OLFM3: variants seen among roughly 807,000 people sequenced by gnomAD.
OLFM3 encodes the protein olfactomedin 3.
In OLFM3, 20 loss-of-function variants were observed where a neutral mutation model predicts 48.6. The ratio of observed to expected loss-of-function variants is 0.41; its 90% confidence interval spans 0.29 to 0.60. OLFM3 has a LOEUF of 0.60. OLFM3 is among the 20% of genes least tolerant of loss of function. The probability of loss-of-function intolerance (pLI) is 0.28; values close to 1 mark genes in which losing one functional copy is unlikely to be tolerated. For synonymous variants in OLFM3, 222 were observed against 198.1 expected, an observed-to-expected ratio of 1.12 and a Z score of -1.01; for missense variants, 437 against 544.3, an observed-to-expected ratio of 0.80 and a Z score of 1.96.
intron 1 of OLFM3, among the ~76,000 whole-genome samples, chr1:101,935,694 A>AT (rs578045007): frequency 1.3e-5 from 2 of 152,294 alleles, no homozygotes; most frequent in African/African-American, 4.8e-5. Flanking sequence ...ACAGGGAAGT[A>AT]TTTTTTATGA....
chr1:101,972,101 A>G (rs1660820569), intron 1 of OLFM3, among the ~76,000 whole-genome samples: 1 of 151,984 alleles, frequency 6.6e-6, no homozygotes. Context: ...ATATTTTTTA[A>G]AGTTTATGTT....
rs1245592503 is a variant in OLFM3, at chr1:101,991,026, T to A, written c.69+5722A>T. Among the ~76,000 whole-genome samples the A allele has an allele frequency of 2.3e-3, 209 of 91,418 alleles. 1 individual carries two copies. Among genetic ancestry groups the A allele is most frequent in the Non-Finnish European group, 2.9e-3 (127 of 44,276 alleles). 60.0% of individuals were successfully genotyped at this position (91,418 alleles called of 152,430 possible). ...AAAAAAAAAAAAAAAAATATATATATATATATATATATATACTTCGTGGTT... is the reference window on the plus strand; with the variant it reads ...AAAAAAAAAAAAAAAAATATATATAAATATATATATATATACTTCGTGGTT... On this transcript the variant is annotated intron_variant, in intron 1 of 5. Transcript: ENST00000370103.
chr1:101,900,782 A>G (rs1658364964), intron 1 of OLFM3, among the ~76,000 whole-genome samples: 2 of 152,118 alleles, frequency 1.3e-5, no homozygotes, highest in Non-Finnish European at 2.9e-5. Flanking sequence ...CCAGAATAAG[A>G]CATGAAAATG....
intron 4 of OLFM3, among the ~76,000 whole-genome samples, chr1:101,817,108 T>C (rs1005476120): frequency 3.3e-5 from 5 of 152,160 alleles, no homozygotes; most frequent in Non-Finnish European, 5.9e-5. Flanking sequence ...ATAAGAGTCA[T>C]TTTTTACTTC....
chr1:101,895,662 C>T (rs1409154503), intron 1 of OLFM3, among the ~76,000 whole-genome samples: 3 of 152,038 alleles, frequency 2.0e-5, no homozygotes, highest in African/African-American at 7.2e-5. Context: ...GCAAGATCTC[C>T]CAAGCAGTGG....
At chr1:101,882,330 TAATA>T (rs1557714855) in intron 1 of OLFM3, among the ~76,000 whole-genome samples, 1 of 99,952 alleles carries the variant, frequency 1.0e-5, no homozygotes, top group East Asian at 2.4e-4. Context: ...TATATATATA[TAATA>T]TATATATATA....
In OLFM3 at chr1:101,830,708, T is replaced by C. The variant is rs772516491; in HGVS notation, c.336A>G (p.Glu112=). 40 of 1,614,096 alleles carry C rather than the reference T, an allele frequency of 2.5e-5. 1 individual carries two copies. The highest frequency in any genetic ancestry group is 1.6e-4 in the Middle Eastern group (1 of 6,084). Reference sequence around the variant, plus strand: ...TGGTCATAAGTGTCTTTCGATCATCTTCAATCTGCCGAAATTTTGCCTTCA... The same window carrying C: ...TGGTCATAAGTGTCTTTCGATCATCCTCAATCTGCCGAAATTTTGCCTTCA... ...KGLKAKFRQI[E]DDRKTLMTKH... Residue 112 remains glutamate (E), a synonymous_variant, in exon 3 of 6, where the codon GAA becomes GAG. Transcript: ENST00000370103.
At chr1:101,844,461 TG>T (rs1300463183) in intron 1 of OLFM3, among the ~76,000 whole-genome samples, 5 of 152,162 alleles carry the variant, frequency 3.3e-5, no homozygotes, top group African/African-American at 1.2e-4. Context: ...GAAATAGCTT[TG>T]TTGAGTAGGG....
chr1:101,947,821 A>ATAATAATAGC (rs1451041866), intron 1 of OLFM3, among the ~76,000 whole-genome samples: 1 of 152,194 alleles, frequency 6.6e-6, no homozygotes, highest in Non-Finnish European at 1.5e-5. Flanking sequence ...TGGCATATAG[A>ATAATAATAGC]TAATAATAGC....
intron 1 of OLFM3, among the ~76,000 whole-genome samples, chr1:101,942,204 T>C (rs1659816441): frequency 1.3e-5 from 2 of 152,254 alleles, no homozygotes; most frequent in South Asian, 4.1e-4. Context: ...TACATAGATA[T>C]ACACATATAC....
At chr1:101,948,870 A>G (rs1660037515) in intron 1 of OLFM3, among the ~76,000 whole-genome samples, 1 of 147,784 alleles carries the variant, frequency 6.8e-6, no homozygotes, top group Non-Finnish European at 1.5e-5. Context: ...ATATATTTAT[A>G]TATTTTTTAT....
At chr1:101,899,636 T>A (rs1658326284) in intron 1 of OLFM3, among the ~76,000 whole-genome samples, 1 of 152,122 alleles carries the variant, frequency 6.6e-6, no homozygotes, top group South Asian at 2.1e-4. Flanking sequence ...AACTTTTATA[T>A]CATAAATTCA....
chr1:101,838,189 G>A (rs1655531141), intron 1 of OLFM3, among the ~76,000 whole-genome samples: 1 of 152,076 alleles, frequency 6.6e-6, no homozygotes, highest in Non-Finnish European at 1.5e-5. Flanking sequence ...CTCTTGAGTA[G>A]CTGGGATTAC....
chr1:101,863,284 T>A (rs1186385855), intron 1 of OLFM3, among the ~76,000 whole-genome samples: 2 of 152,200 alleles, frequency 1.3e-5, no homozygotes, highest in African/African-American at 4.8e-5. Context: ...AGTAGCTGCT[T>A]TTGATATTGG....
intron 1 of OLFM3, among the ~76,000 whole-genome samples, chr1:101,963,736 A>T (rs1660531264): frequency 6.6e-6 from 1 of 151,936 alleles, no homozygotes; most frequent in Non-Finnish European, 1.5e-5. Flanking sequence ...AGCTGGGGGG[A>T]CATTTACATT....
At chr1:101,890,715 C>A (rs912124656) in intron 1 of OLFM3, among the ~76,000 whole-genome samples, 1 of 151,818 alleles carries the variant, frequency 6.6e-6, no homozygotes. Flanking sequence ...CAAACAAAAA[C>A]GACTCCATGA....
intron 1 of OLFM3, among the ~76,000 whole-genome samples, chr1:101,933,431 G>C (rs2101050829): frequency 6.6e-6 from 1 of 151,828 alleles, no homozygotes; most frequent in East Asian, 1.9e-4. Flanking sequence ...AAACGAAGAA[G>C]AATGAACCAA....
At chr1:101,842,995 T>C (rs1366150158) in intron 1 of OLFM3, among the ~76,000 whole-genome samples, 1 of 152,184 alleles carries the variant, frequency 6.6e-6, no homozygotes, top group African/African-American at 2.4e-5. Flanking sequence ...CCTAAGAGTT[T>C]AGGGAAGGAA....
intron 1 of OLFM3, among the ~76,000 whole-genome samples, chr1:101,905,428 G>C (rs1658520516): frequency 6.6e-6 from 1 of 152,128 alleles, no homozygotes; most frequent in South Asian, 2.1e-4. Flanking sequence ...TCTGTATCCA[G>C]ACTGGGTGTG....
Sources: allele counts gnomAD v4.1 joint callset (sites outside exome capture counted in the v4.1 genomes callset), GRCh38; gene constraint gnomAD v4.1.1; transcripts MANE v1.5; gene names NCBI Gene and HGNC (gene_info 2026-07-23, HGNC 2026-07-21).